ERCC1: variants seen among roughly 807,000 people sequenced by gnomAD.
ERCC1 encodes the protein ERCC excision repair 1, endonuclease non-catalytic subunit, also known as DNA excision repair protein ERCC-1.
A neutral mutation model predicts 37.6 loss-of-function variants in ERCC1; 36 were observed. The ratio of observed to expected loss-of-function variants is 0.96; its 90% CI spans 0.73 to 1.26. ERCC1 has a LOEUF of 1.26. Among genes scored for constraint, ERCC1 ranks in the 50% most tolerant of loss-of-function variants. The pLI is 0.00. For synonymous variants in ERCC1, 156 were observed against 162.1 expected (o/e 0.96, Z 0.28); for missense variants, 349 against 376.5 (o/e 0.93, Z 0.60).
chr19:45,426,533 AAGAG>A (rs1974696961), upstream of ERCC1, among the ~76,000 whole-genome samples: 1 of 151,392 alleles, frequency 6.6e-6, no homozygotes, highest in African/African-American at 2.4e-5. Flanking sequence ...CCTGGGCAAC[AAGAG>A]TGAAACTCCA....
rs35170597 is a variant in ERCC1, at chr19:45,432,283, T to TTTATTATTA, written c.-7-8911_-7-8903dup. ...CCACGCCTGGCCAACACAAAATTAA[T>TTTATTATTA]TTATTATTATTATTATTATTATTAT... is the stretch of plus-strand genomic sequence containing the variant. On this transcript the variant is annotated intron_variant, in intron 1 of 8. Coordinates refer to the ERCC1 transcript ENST00000423698. Among the ~76,000 whole-genome samples, 89 of 145,972 alleles carry TTTATTATTA rather than the reference T, an allele frequency of 6.1e-4. 1 individual carries two copies. The highest frequency in any genetic ancestry group is 1.8e-3 in the Admixed American group (26 of 14,380).
intron 1 of ERCC1, among the ~76,000 whole-genome samples, chr19:45,429,538 G>C (rs1974784041): frequency 6.6e-6 from 1 of 152,166 alleles, no homozygotes. Flanking sequence ...AAGGCGGAAA[G>C]AGGGGAGGTG....
chr19:45,431,736 T>C (rs1974837318), intron 1 of ERCC1, among the ~76,000 whole-genome samples: 1 of 150,486 alleles, frequency 6.6e-6, no homozygotes, highest in Non-Finnish European at 1.5e-5. Flanking sequence ...ACAAAAAATG[T>C]TAAAATGAGC....
chr19:45,422,549 G>A (rs1974502423), intron 2 of ERCC1, among the ~76,000 whole-genome samples: 1 of 152,030 alleles, frequency 6.6e-6, no homozygotes, highest in Admixed American at 6.6e-5. Context: ...GAGGTGGGCG[G>A]ATCACTTGAG....
chr19:45,415,635 C>CAAA lies in ERCC1; in HGVS notation c.603-678_603-676dup, dbSNP rs913880423. Among the ~76,000 whole-genome samples the CAAA allele has an allele frequency of 5.4e-3, 249 of 46,476 alleles. 11 individuals are homozygous for CAAA. Among genetic ancestry groups the CAAA allele is most frequent in the African/African-American group, 0.016 (198 of 12,360 alleles). The allele number at this position is 46,476 out of a possible 152,430, so 30.5% of individuals were successfully genotyped here. On this transcript the variant is annotated intron_variant, in intron 6 of 9. Coordinates refer to ENST00000300853, the MANE Select transcript of ERCC1 (RefSeq NM_001983.4). ...TGGGCGACAGAGCCAGACTCCGTCT[C>CAAA]AAAAAAAAAAAAAAAAAAAAAAACA...
In ERCC1 at chr19:45,407,978, C is replaced by T. The variant is rs889903027; in HGVS notation, c.*1697G>A. On this transcript the variant is annotated 3_prime_UTR_variant, in exon 10 of 10. Coordinates refer to ENST00000300853, the MANE Select transcript of ERCC1 (RefSeq NM_001983.4). ...CTGAGGCAGGAGAATCGCTTGAACC[C>T]AGGAGGTGGACATTGCAGTGAGCCG... The T allele has an allele frequency of 2.0e-6, 2 of 982,228 alleles. No individual in the cohort carries two copies. The highest frequency in any genetic ancestry group is 2.6e-5 in the East Asian group (1 of 38,280). The allele number at this position is 982,228 out of a possible 1,614,324, so 60.8% of individuals were successfully genotyped here.
chr19:45,441,052 T>G (rs1975107793), intron 1 of ERCC1, among the ~76,000 whole-genome samples: 1 of 152,192 alleles, frequency 6.6e-6, no homozygotes, highest in African/African-American at 2.4e-5. Flanking sequence ...TCCACTAAGA[T>G]TCTTTCCTCC....
chr19:45,436,623 C>T (rs528523841), intron 1 of ERCC1: 1 of 152,594 alleles, frequency 6.6e-6, no homozygotes, highest in African/African-American at 2.4e-5. Context: ...GACTCCGTCT[C>T]AGACAAACAA....
chr19:45,415,629 C>A (rs1425652837), intron 6 of ERCC1, among the ~76,000 whole-genome samples: 1 of 136,882 alleles, frequency 7.3e-6, no homozygotes, highest in African/African-American at 2.9e-5. Flanking sequence ...GAGCCAGACT[C>A]CGTCTCAAAA....
chr19:45,448,220 G>A (rs1599870027), intron 1 of ERCC1, among the ~76,000 whole-genome samples: 2 of 152,218 alleles, frequency 1.3e-5, no homozygotes, highest in South Asian at 4.1e-4. Flanking sequence ...GGAACTGGAG[G>A]AACCCACCTT....
At position 45,450,222 on chromosome 19, in the gene ERCC1, T is replaced by C. The variant is rs375943756; in HGVS notation, c.-7-26841A>G. On this transcript the variant is annotated intron_variant, in intron 1 of 8. Coordinates refer to the ERCC1 transcript ENST00000423698. The stretch of plus-strand genomic sequence containing the variant: ...CCTGTATCTCTATCACCTACTCCCA[T>C]GCATACAGGTCCACAAGCATGCCTA... Among the ~76,000 whole-genome samples the C allele has an allele frequency of 3.9e-4, 59 of 152,266 alleles. 1 individual carries two copies. In the South Asian group the frequency reaches 0.012, roughly 30 times the overall value.
intron 1 of ERCC1, among the ~76,000 whole-genome samples, chr19:45,432,311 T>G (rs1017715756): frequency 2.0e-4 from 30 of 146,344 alleles, no homozygotes; most frequent in Non-Finnish European, 3.0e-4. Context: ...ATTATTATTA[T>G]TATTAGTTAT....
intron 1 of ERCC1, among the ~76,000 whole-genome samples, chr19:45,448,802 G>T (rs1967026034): frequency 6.6e-6 from 1 of 152,152 alleles, no homozygotes; most frequent in Non-Finnish European, 1.5e-5. Context: ...CCCGCCCCAG[G>T]AGAGATGTAT....
intron 1 of ERCC1, among the ~76,000 whole-genome samples, chr19:45,442,332 AAAAG>A (rs968146652): frequency 1.7e-4 from 24 of 144,132 alleles, no homozygotes; most frequent in African/African-American, 4.3e-4. Context: ...AAAAAAAAGA[AAAAG>A]AAAAAAAGTT....
At chr19:45,446,647 A>G (rs1186472338) in intron 1 of ERCC1, among the ~76,000 whole-genome samples, 2 of 152,108 alleles carry the variant, frequency 1.3e-5, no homozygotes, top group Non-Finnish European at 2.9e-5. Context: ...GTACTCATCC[A>G]TGTGGGCCCC....
At chr19:45,423,469 C>G (rs1490370358) in intron 1 of ERCC1, 88 bp from the exon 2 acceptor site, 1 of 1,525,686 alleles carries the variant, frequency 6.6e-7, no homozygotes, top group African/African-American at 1.4e-5. Context: ...AGCCGTCCCC[C>G]ACAAAACTCC....
At chr19:45,422,957 G>A (rs1367843780) in intron 2 of ERCC1, among the ~76,000 whole-genome samples, 2 of 149,238 alleles carry the variant, frequency 1.3e-5, no homozygotes, top group Non-Finnish European at 3.0e-5. Flanking sequence ...TTTTAAGATT[G>A]CAAAACCTGG....
chr19:45,437,035 A>G (rs892178339), intron 1 of ERCC1, among the ~76,000 whole-genome samples: 1 of 152,118 alleles, frequency 6.6e-6, no homozygotes, highest in Non-Finnish European at 1.5e-5. Context: ...GAATCACCTG[A>G]GGTCAGGAGT....
intron 2 of ERCC1, among the ~76,000 whole-genome samples, chr19:45,422,798 C>T (rs1440064004): frequency 6.6e-6 from 1 of 151,740 alleles, no homozygotes; most frequent in Non-Finnish European, 1.5e-5. Flanking sequence ...GTAGGAAGGT[C>T]CTCTCCCCCA....
Sources: allele counts gnomAD v4.1 joint callset (sites outside exome capture counted in the v4.1 genomes callset), GRCh38; gene constraint gnomAD v4.1.1; transcripts MANE v1.5; gene names NCBI Gene and HGNC (gene_info 2026-07-23, HGNC 2026-07-21).